ELK3: variants seen among roughly 807,000 people sequenced by gnomAD.
ELK3 encodes ETS transcription factor ELK3.
Under a neutral mutation model 28.9 loss-of-function variants are expected in ELK3, and 10 were observed. The observed-to-expected ratio is 0.35, with a 90% CI of 0.21 to 0.59. The LOEUF is 0.59. Among genes scored for constraint, ELK3 ranks in the 20% least tolerant of loss-of-function variants. The pLI is 0.82. For missense variants in ELK3, 463 were observed against 517.3 expected (o/e 0.90, Z 1.02); for synonymous variants, 272 against 243.5 (o/e 1.12, Z -1.09).
chr12:96,227,512 G>A (rs907317801), intron 2 of ELK3, among the ~76,000 whole-genome samples: 31 of 74,648 alleles, frequency 4.2e-4, no homozygotes, highest in African/African-American at 1.6e-3. Context: ...AGTGGAAAAT[G>A]TGTGCAAACT....
intron 2 of ELK3, among the ~76,000 whole-genome samples, chr12:96,237,001 T>A (rs1003438320): frequency 6.6e-6 from 1 of 152,170 alleles, no homozygotes; most frequent in African/African-American, 2.4e-5. Flanking sequence ...TGCCTCCACG[T>A]CCCATGACCA....
chr12:96,218,380 A>T (rs890870789), intron 1 of ELK3, among the ~76,000 whole-genome samples: 7 of 152,210 alleles, frequency 4.6e-5, no homozygotes, highest in African/African-American at 1.7e-4. Context: ...CTGCAAAAAG[A>T]ATGGCATTAA....
intron 2 of ELK3, among the ~76,000 whole-genome samples, chr12:96,246,620 C>T (rs967943645): frequency 6.6e-6 from 1 of 152,192 alleles, no homozygotes; most frequent in Non-Finnish European, 1.5e-5. Flanking sequence ...ATGTTCGTGC[C>T]ACTGCACTCC....
chr12:96,234,025 C>T (rs1951762120), intron 2 of ELK3, among the ~76,000 whole-genome samples: 1 of 152,220 alleles, frequency 6.6e-6, no homozygotes, highest in Admixed American at 6.5e-5. Context: ...GTCCTGGAAG[C>T]TGCTTAGAGA....
chr12:96,260,911 T>C (rs2137043438), intron 4 of ELK3, among the ~76,000 whole-genome samples: 1 of 152,332 alleles, frequency 6.6e-6, no homozygotes, highest in South Asian at 2.1e-4. Context: ...GCAATCTTTC[T>C]CACTAAACTA....
intron 1 of ELK3, among the ~76,000 whole-genome samples, chr12:96,210,899 A>T (rs1160351612): frequency 6.6e-6 from 1 of 152,212 alleles, no homozygotes; most frequent in Admixed American, 6.5e-5. Context: ...CACGCATTAC[A>T]ATGAGACGTT....
intron 2 of ELK3, among the ~76,000 whole-genome samples, chr12:96,239,350 G>C (rs908070099): frequency 3.9e-5 from 6 of 152,048 alleles, no homozygotes; most frequent in African/African-American, 1.5e-4. Flanking sequence ...TAAAGGTATG[G>C]GGAAGTGTTA....
At chr12:96,213,814 C>G (rs1350414879) in intron 1 of ELK3, 1 of 152,066 alleles carries the variant, frequency 6.6e-6, no homozygotes, top group South Asian at 2.1e-4. Flanking sequence ...CAGCCTCAAA[C>G]TCCTGGGCTT....
rs965983477 is a variant in ELK3 at position 96,268,012 on chromosome 12, T to C, written c.*832T>C. The C allele has an allele frequency of 1.3e-5, 2 of 152,220 alleles. No individual in the cohort carries two copies. Among genetic ancestry groups the C allele is most frequent in the African/African-American group, 4.8e-5 (2 of 41,456 alleles). The allele number at this position is 152,220 out of a possible 1,614,324, so 9.4% of individuals were successfully genotyped here. On this transcript the variant is annotated 3_prime_UTR_variant, in exon 5 of 5. Coordinates refer to ENST00000228741, the MANE Select transcript of ELK3 (RefSeq NM_005230.4). ...TATCTCCTAGGTTAGCATATTCTTA[T>C]TTCAAAAAATTAGCCCTGGTTTTCT...
chr12:96,214,246 CATG>C (rs1163229228), intron 1 of ELK3, among the ~76,000 whole-genome samples: 2 of 152,040 alleles, frequency 1.3e-5, no homozygotes, highest in African/African-American at 4.8e-5. Context: ...CCCTGGCGAA[CATG>C]CTGAAACCCT....
At chr12:96,226,574 GCA>G (rs886616645) in intron 2 of ELK3, among the ~76,000 whole-genome samples, 1 of 151,152 alleles carries the variant, frequency 6.6e-6, no homozygotes, top group African/African-American at 2.4e-5. Flanking sequence ...ATGCCCACAT[GCA>G]CACACAGATG....
chr12:96,252,412 CATAG>C (rs1186965437), intron 3 of ELK3, among the ~76,000 whole-genome samples: 1 of 152,100 alleles, frequency 6.6e-6, no homozygotes, highest in Admixed American at 6.5e-5. Flanking sequence ...CTACAGCTGC[CATAG>C]ATAGTGATTC....
At chr12:96,256,555 G>C (rs983320802) in intron 3 of ELK3, among the ~76,000 whole-genome samples, 2 of 152,204 alleles carry the variant, frequency 1.3e-5, no homozygotes, top group Non-Finnish European at 2.9e-5. Flanking sequence ...GACCCAGCTA[G>C]AGCTGCAGAT....
chr12:96,223,795 G>T (rs778234492), intron 2 of ELK3, 22 bp downstream of exon 2: 1 of 1,611,636 alleles, frequency 6.2e-7, no homozygotes, highest in South Asian at 1.1e-5. Flanking sequence ...ACCTTGCATG[G>T]GGCCGTCTTG....
intron 1 of ELK3, among the ~76,000 whole-genome samples, chr12:96,204,585 A>G (rs181450319): frequency 0.011 from 1,604 of 152,324 alleles, 39 homozygotes; most frequent in Admixed American, 0.053. Flanking sequence ...GAGAGATTAC[A>G]TCAACAACAG....
At chr12:96,244,440 A>T (rs1241923352) in intron 2 of ELK3, among the ~76,000 whole-genome samples, 2 of 148,660 alleles carry the variant, frequency 1.3e-5, no homozygotes, top group African/African-American at 5.1e-5. Context: ...CCTATAAGAA[A>T]ATTAGAATTT....
intron 4 of ELK3, among the ~76,000 whole-genome samples, chr12:96,263,419 T>G (rs1952007704): frequency 6.6e-6 from 1 of 152,238 alleles, no homozygotes; most frequent in East Asian, 1.9e-4. Flanking sequence ...TGAAACAGAT[T>G]TTGTTCCAAT....
intron 3 of ELK3, among the ~76,000 whole-genome samples, chr12:96,250,707 C>T (rs1438058553): frequency 6.6e-6 from 1 of 152,196 alleles, no homozygotes; most frequent in Non-Finnish European, 1.5e-5. Flanking sequence ...CACAGAAACT[C>T]TCCTTTTCTC....
Position 96,208,558 on chromosome 12 carries a change from TCCC to T in ELK3, c.-3+13854_-3+13856del, listed in dbSNP as rs1429373813. 3.3e-5 allele frequency among the ~76,000 whole-genome samples: 5 copies of T among 152,248 alleles called. No homozygotes were observed. In the East Asian group the frequency reaches 5.8e-4, roughly 18 times the overall value. On this transcript the variant is annotated intron_variant, in intron 1 of 4. Transcript: ENST00000228741. ...AAGAGTTCTTGTTGCTTCATCCAGTTCCCAAGAAAATTATAGCCTGATGTGTCA... is the reference window on the plus strand; with the variant it reads ...AAGAGTTCTTGTTGCTTCATCCAGTTAAGAAAATTATAGCCTGATGTGTCA...
Sources: allele counts gnomAD v4.1 joint callset (sites outside exome capture counted in the v4.1 genomes callset), GRCh38; gene constraint gnomAD v4.1.1; transcripts MANE v1.5; gene names NCBI Gene and HGNC (gene_info 2026-07-23, HGNC 2026-07-21).